The following ANKRD44 variants were observed in gnomAD, a reference collection of about 807,000 sequenced individuals.
ANKRD44 encodes serine/threonine-protein phosphatase 6 regulatory ankyrin repeat subunit B.
Under a neutral mutation model 116.0 loss-of-function variants are expected in ANKRD44, and 35 were observed. The observed-to-expected ratio is 0.30, with a 90% CI of 0.23 to 0.40. ANKRD44 has a LOEUF of 0.40. Among genes scored for constraint, ANKRD44 ranks in the 10% least tolerant of loss-of-function variants. The probability of loss-of-function intolerance (pLI) is 1.00; values close to 1 mark genes in which losing one functional copy is unlikely to be tolerated. For synonymous variants in ANKRD44, 435 were observed against 461.8 expected, an observed-to-expected ratio of 0.94 and a Z score of 0.74; for missense variants, 1,014 against 1,242.6, an observed-to-expected ratio of 0.82 and a Z score of 2.77.
intron 8 of ANKRD44, among the ~76,000 whole-genome samples, chr2:197,111,593 C>T (rs1228006091): frequency 1.3e-5 from 2 of 149,792 alleles, no homozygotes; most frequent in African/African-American, 2.5e-5. Flanking sequence ...GAGCCAAGAT[C>T]GTGCCACTGC....
At chr2:197,014,716 G>A (rs1176199573) in intron 17 of ANKRD44, among the ~76,000 whole-genome samples, 2 of 151,836 alleles carry the variant, frequency 1.3e-5, no homozygotes, top group Non-Finnish European at 2.9e-5. Flanking sequence ...AACCCAAGGC[G>A]GAGGTTGCAG....
At position 197,018,886 on chromosome 2, in the gene ANKRD44, T is replaced by C. The variant is rs551189815; in HGVS notation, c.1723-5174A>G. Among the ~76,000 whole-genome samples, 8 of 152,328 alleles carry C rather than the reference T, an allele frequency of 5.3e-5. No individual in the cohort carries two copies. In the South Asian group the frequency reaches 1.5e-3, roughly 28 times the overall value. ...CATAAATCCCAAACATCTTTTCTTA[T>C]AGATGAAAAAACCAAAACAAGCAAT... is the stretch of plus-strand genomic sequence containing the variant. On this transcript the variant is annotated intron_variant, in intron 17 of 27. Coordinates refer to ENST00000282272, the MANE Select transcript of ANKRD44 (RefSeq NM_001195144.2).
At chr2:197,276,063 G>A (rs1421489426) in intron 1 of ANKRD44, among the ~76,000 whole-genome samples, 1 of 151,964 alleles carries the variant, frequency 6.6e-6, no homozygotes, top group African/African-American at 2.4e-5. Flanking sequence ...ATCACCTGAG[G>A]TCAGGAGTTC....
intron 16 of ANKRD44, among the ~76,000 whole-genome samples, chr2:197,034,425 G>A (rs2076769991): frequency 6.7e-6 from 1 of 149,792 alleles, no homozygotes; most frequent in Non-Finnish European, 1.5e-5. Context: ...TCACATGCTA[G>A]TTCTCATGCT....
At chr2:196,991,048 G>A (rs980233063) in intron 27 of ANKRD44, 5 of 948,530 alleles carry the variant, frequency 5.3e-6, no homozygotes, top group Non-Finnish European at 6.8e-6. Context: ...TAGAAATCAT[G>A]CCAGGTAAAA....
intron 1 of ANKRD44, among the ~76,000 whole-genome samples, chr2:197,198,564 G>A (rs931909255): frequency 6.6e-6 from 1 of 152,096 alleles, no homozygotes. Context: ...GGCCGAGGCA[G>A]GTGGATCACC....
rs765848539 is a variant in ANKRD44 at position 197,065,690 on chromosome 2, G to C, written c.1650+13013C>G. 2.6e-5 allele frequency among the ~76,000 whole-genome samples: 4 copies of C among 152,120 alleles called. 1 individual carries two copies. The highest frequency in any genetic ancestry group is 9.7e-5 in the African/African-American group (4 of 41,402). On this transcript the variant is annotated intron_variant, in intron 16 of 27. Coordinates refer to ENST00000282272, the MANE Select transcript of ANKRD44 (RefSeq NM_001195144.2). ...TAAACACCTCTACGCAAATAAACTAGAAAATCTAGAAGAAATGGATAAATT... is the reference window on the plus strand; with the variant it reads ...TAAACACCTCTACGCAAATAAACTACAAAATCTAGAAGAAATGGATAAATT...
intron 5 of ANKRD44, 27 bp downstream of exon 5, chr2:197,125,810 C>A: frequency 3.1e-6 from 5 of 1,611,284 alleles, no homozygotes; most frequent in Non-Finnish European, 4.2e-6. Flanking sequence ...AGGGAGCGTT[C>A]CAATTCTGAA....
At chr2:197,252,258 T>C (rs1003073593) in intron 1 of ANKRD44, among the ~76,000 whole-genome samples, 8 of 152,160 alleles carry the variant, frequency 5.3e-5, no homozygotes, top group African/African-American at 1.4e-4. Flanking sequence ...TCTATTTCTG[T>C]TACCTAAATA....
At chr2:197,010,171 G>A (rs1314045902) in intron 18 of ANKRD44, among the ~76,000 whole-genome samples, 1 of 152,132 alleles carries the variant, frequency 6.6e-6, no homozygotes, top group African/African-American at 2.4e-5. Context: ...ACATTCTGAG[G>A]TAGATATTCA....
At chr2:197,111,922 G>A (rs2078577864) in intron 8 of ANKRD44, among the ~76,000 whole-genome samples, 2 of 152,112 alleles carry the variant, frequency 1.3e-5, no homozygotes, top group African/African-American at 4.8e-5. Context: ...AATGTGTGCT[G>A]AATTCATATA....
intron 2 of ANKRD44, among the ~76,000 whole-genome samples, chr2:197,183,669 A>T (rs1045183835): frequency 5.8e-5 from 8 of 138,816 alleles, no homozygotes; most frequent in African/African-American, 2.1e-4. Context: ...AGAAAGGGGG[A>T]GTTAAAGGGA....
intron 8 of ANKRD44, among the ~76,000 whole-genome samples, chr2:197,111,426 T>C (rs2078562843): frequency 6.6e-6 from 1 of 152,072 alleles, no homozygotes; most frequent in Admixed American, 6.5e-5. Context: ...GTGGATCGTT[T>C]GAGATAGTTC....
intron 13 of ANKRD44, among the ~76,000 whole-genome samples, chr2:197,084,163 T>C (rs2077864957): frequency 6.6e-6 from 1 of 152,172 alleles, no homozygotes; most frequent in Non-Finnish European, 1.5e-5. Context: ...TTTCCAAAAC[T>C]GGTCCCAATC....
At chr2:197,062,304 G>A (rs2077332491) in intron 16 of ANKRD44, among the ~76,000 whole-genome samples, 1 of 152,200 alleles carries the variant, frequency 6.6e-6, no homozygotes, top group Admixed American at 6.5e-5. Flanking sequence ...CAGGACTCCT[G>A]GATGGGTCAC....
At chr2:196,989,671 C>G (rs2075885308) in intron 27 of ANKRD44, 22 bp from the exon 28 acceptor site, 2 of 1,550,022 alleles carry the variant, frequency 1.3e-6, no homozygotes, top group Non-Finnish European at 8.7e-7. Flanking sequence ...GGAGCAGACA[C>G]AGTATTCACT....
chr2:197,202,979 A>G (rs966959355), intron 1 of ANKRD44, among the ~76,000 whole-genome samples: 5 of 152,190 alleles, frequency 3.3e-5, no homozygotes, highest in African/African-American at 1.2e-4. Context: ...TCCCACCCCA[A>G]TAAGCCTGAG....
Position 197,133,623 on chromosome 2 carries a change from C to G in ANKRD44, c.261+2969G>C, listed in dbSNP as rs555210401. Among the ~76,000 whole-genome samples the G allele has an allele frequency of 2.0e-5, 3 of 152,278 alleles. No individual in the cohort carries two copies. In the South Asian group the frequency reaches 6.2e-4, roughly 32 times the overall value. On this transcript the variant is annotated intron_variant, in intron 4 of 27. Coordinates refer to ENST00000282272, the MANE Select transcript of ANKRD44 (RefSeq NM_001195144.2). The stretch of plus-strand genomic sequence containing the variant: ...CATGAACATGTAATATCAGTGCTTA[C>G]CAATCTAAAGAACAGACCTGTGCCA...
At chr2:196,990,816 T>C in intron 27 of ANKRD44, 1 of 1,232,258 alleles carries the variant, frequency 8.1e-7, no homozygotes, top group Non-Finnish European at 1.0e-6. Flanking sequence ...ACAAACGAAG[T>C]TGACAGCCAT....
Sources: allele counts gnomAD v4.1 joint callset (sites outside exome capture counted in the v4.1 genomes callset), GRCh38; gene constraint gnomAD v4.1.1; transcripts MANE v1.5; gene names NCBI Gene and HGNC (gene_info 2026-07-23, HGNC 2026-07-21).